The following OPCML variants were observed in gnomAD, a reference collection of about 807,000 sequenced individuals.
The protein encoded by OPCML is opioid binding protein/cell adhesion molecule like.
In OPCML, 13 loss-of-function variants were observed where a neutral mutation model predicts 37.8. That is an observed-to-expected ratio of 0.34 (90% CI 0.22 to 0.55). The LOEUF is 0.55. OPCML is among the 20% of genes least tolerant of loss of function. The probability of loss-of-function intolerance (pLI) is 0.91; values close to 1 mark genes in which losing one functional copy is unlikely to be tolerated. For synonymous variants in OPCML, 176 were observed against 168.8 expected, an observed-to-expected ratio of 1.04 and a Z score of -0.33; for missense variants, 341 against 435.6, an observed-to-expected ratio of 0.78 and a Z score of 1.93.
At chr11:133,485,422 C>A (rs890458223) in intron 1 of OPCML, among the ~76,000 whole-genome samples, 2 of 152,198 alleles carry the variant, frequency 1.3e-5, no homozygotes, top group African/African-American at 4.8e-5. Context: ...GATGAACTAA[C>A]TCTTGCTGCT....
At chr11:133,000,842 G>A (rs546441434) in intron 1 of OPCML, among the ~76,000 whole-genome samples, 49 of 152,284 alleles carry the variant, frequency 3.2e-4, no homozygotes, top group Middle Eastern at 3.4e-3. Context: ...TCATGGGGGC[G>A]AGTTCTTCAC....
chr11:132,558,394 C>CCCTCCTCCTCTGCCCCTCCTTCCCTCCT (rs2096402525), intron 3 of OPCML, among the ~76,000 whole-genome samples: 7 of 8,948 alleles, frequency 7.8e-4, no homozygotes, highest in South Asian at 0.01. Context: ...TCCCCTCTCC[C>CCCTCCTCCTCTGCCCCTCCTTCCCTCCT]CCTCCTCCTC....
At position 132,739,849 on chromosome 11, in the gene OPCML, C is replaced by T. The variant is rs184816766; in HGVS notation, c.147-82530G>A. On this transcript the variant is annotated intron_variant, in intron 2 of 7. Transcript: ENST00000524381. ...TAAAGTACAGTCAAAATCAATGCCTCTCTGGACCCCATCAGTGTTTTGGTA... is the reference window on the plus strand; with the variant it reads ...TAAAGTACAGTCAAAATCAATGCCTTTCTGGACCCCATCAGTGTTTTGGTA... Among the ~76,000 whole-genome samples, 142 of 152,244 alleles carry T rather than the reference C, an allele frequency of 9.3e-4. 1 individual carries two copies. The highest frequency in any genetic ancestry group is 2.2e-4 in the Non-Finnish European group (15 of 68,014).
At chr11:133,278,566 A>T (rs1592161750) in intron 1 of OPCML, among the ~76,000 whole-genome samples, 1 of 151,704 alleles carries the variant, frequency 6.6e-6, no homozygotes, top group African/African-American at 2.4e-5. Flanking sequence ...TGGTTGGGGG[A>T]GTGGGAAGTG....
intron 1 of OPCML, among the ~76,000 whole-genome samples, chr11:133,243,524 C>T (rs1049726590): frequency 4.6e-5 from 7 of 152,138 alleles, no homozygotes; most frequent in African/African-American, 1.7e-4. Flanking sequence ...GAAGGCGCTG[C>T]AGAGGGGACC....
At chr11:133,276,456 T>G (rs1433113989) in intron 1 of OPCML, among the ~76,000 whole-genome samples, 1 of 152,136 alleles carries the variant, frequency 6.6e-6, no homozygotes, top group Admixed American at 6.5e-5. Flanking sequence ...GCAACAGCCA[T>G]GCACACAATG....
chr11:132,901,744 G>A (rs896473085), intron 2 of OPCML, among the ~76,000 whole-genome samples: 10 of 152,198 alleles, frequency 6.6e-5, no homozygotes, highest in South Asian at 2.1e-4. Flanking sequence ...ATCATCAGTA[G>A]TAGTGAAAGA....
At chr11:133,032,166 G>A (rs1947686964) in intron 1 of OPCML, among the ~76,000 whole-genome samples, 1 of 152,136 alleles carries the variant, frequency 6.6e-6, no homozygotes, top group South Asian at 2.1e-4. Flanking sequence ...GATCTGGTGG[G>A]GCTAGCCCTT....
At chr11:133,423,143 C>T in intron 1 of OPCML, 5 of 985,414 alleles carry the variant, frequency 5.1e-6, no homozygotes, top group Non-Finnish European at 6.0e-6. Flanking sequence ...AACCATTCAT[C>T]CTCTTTCAGA....
intron 4 of OPCML, among the ~76,000 whole-genome samples, chr11:132,441,776 A>T (rs2096036428): frequency 6.6e-6 from 1 of 152,202 alleles, no homozygotes. Context: ...AAAAATACAA[A>T]TGAGGCCATT....
intron 2 of OPCML, among the ~76,000 whole-genome samples, chr11:132,686,935 T>A: frequency 6.6e-6 from 1 of 152,176 alleles, no homozygotes; most frequent in East Asian, 1.9e-4. Flanking sequence ...AATGTCTGGC[T>A]GCTGTGCTGG....
At chr11:133,352,495 CTCT>C (rs1265564258) in intron 1 of OPCML, among the ~76,000 whole-genome samples, 2 of 152,216 alleles carry the variant, frequency 1.3e-5, no homozygotes, top group South Asian at 2.1e-4. Flanking sequence ...TGTATCACTC[CTCT>C]ATTTCACAGA....
chr11:133,497,580 A>T (rs1420201661), intron 1 of OPCML, among the ~76,000 whole-genome samples: 1 of 126,928 alleles, frequency 7.9e-6, no homozygotes, highest in Admixed American at 7.4e-5. Context: ...ACAGTGTGAA[A>T]GTGAGATTTT....
intron 1 of OPCML, among the ~76,000 whole-genome samples, chr11:133,529,509 G>T (rs1200132171): frequency 6.6e-6 from 1 of 152,212 alleles, no homozygotes; most frequent in African/African-American, 2.4e-5. Flanking sequence ...TCTCCACGTG[G>T]TGACTGTCTT....
intron 1 of OPCML, among the ~76,000 whole-genome samples, chr11:133,251,993 T>TC (rs1941151147): frequency 1.3e-5 from 2 of 152,010 alleles, no homozygotes; most frequent in South Asian, 4.2e-4. Context: ...CAGGAGGGCC[T>TC]CCCCCCAGAG....
intron 1 of OPCML, among the ~76,000 whole-genome samples, chr11:133,394,834 TGA>T (rs1343627649): frequency 6.6e-6 from 1 of 152,224 alleles, no homozygotes; most frequent in Non-Finnish European, 1.5e-5. Flanking sequence ...GCAACAAACA[TGA>T]GAGTGCAGAC....
chr11:133,186,402 C>T (rs746589026), intron 1 of OPCML, among the ~76,000 whole-genome samples: 36 of 151,402 alleles, frequency 2.4e-4, no homozygotes, highest in South Asian at 6.3e-4. Flanking sequence ...CTGGGAAAAG[C>T]GATTCAAATT....
At chr11:133,141,586 C>T (rs1949824375) in intron 1 of OPCML, among the ~76,000 whole-genome samples, 1 of 152,074 alleles carries the variant, frequency 6.6e-6, no homozygotes, top group South Asian at 2.1e-4. Context: ...CAGATGCTTC[C>T]CATATCTTTA....
At chr11:133,514,536 C>T (rs771796703) in intron 1 of OPCML, among the ~76,000 whole-genome samples, 25 of 152,268 alleles carry the variant, frequency 1.6e-4, no homozygotes, top group East Asian at 5.8e-4. Context: ...GTCCTGCCAA[C>T]GACCCCTTTA....
Sources: allele counts gnomAD v4.1 joint callset (sites outside exome capture counted in the v4.1 genomes callset), GRCh38; gene constraint gnomAD v4.1.1; transcripts MANE v1.5; gene names NCBI Gene and HGNC (gene_info 2026-07-23, HGNC 2026-07-21).